Variants in XRCC4 observed in about 807,000 individuals in gnomAD.
XRCC4 encodes X-ray repair cross complementing 4.
XRCC4 carries 28 observed loss-of-function variants against 39.1 expected under a neutral mutation model. The ratio of observed to expected loss-of-function variants is 0.72; its 90% CI spans 0.53 to 0.98. The LOEUF is 0.98. Ranked by LOEUF, XRCC4 falls within the 50% of genes least tolerant of loss-of-function variation. The probability of loss-of-function intolerance (pLI) is 0.00; values close to 1 mark genes in which losing one functional copy is unlikely to be tolerated. For synonymous variants in XRCC4, 123 were observed against 126.4 expected (o/e 0.97, Z 0.18); for missense variants, 350 against 376.4 (o/e 0.93, Z 0.58).
At chr5:83,133,158 G>A (rs1232642199) in intron 3 of XRCC4, among the ~76,000 whole-genome samples, 4 of 151,736 alleles carry the variant, frequency 2.6e-5, no homozygotes, top group Non-Finnish European at 5.9e-5. Flanking sequence ...GGTCCACTCC[G>A]GACTCTGTTT....
chr5:83,334,228 G>C (rs911635276), intron 7 of XRCC4, among the ~76,000 whole-genome samples: 1 of 152,006 alleles, frequency 6.6e-6, no homozygotes. Flanking sequence ...TTAATTTCCA[G>C]GTAGTGAAAA....
intron 1 of XRCC4, among the ~76,000 whole-genome samples, chr5:83,078,668 T>C (rs1217835027): frequency 6.6e-6 from 1 of 152,242 alleles, no homozygotes; most frequent in Non-Finnish European, 1.5e-5. Context: ...GTCTGTTATA[T>C]TGAATTGTCA....
At chr5:83,113,884 C>A (rs138006852) in intron 3 of XRCC4, among the ~76,000 whole-genome samples, 8,245 of 152,274 alleles carry the variant, frequency 0.054, 282 homozygotes, top group South Asian at 0.15. Flanking sequence ...CCTCAGCCCC[C>A]CAAAGTGCTG....
At chr5:83,337,254 C>G (rs1255093682) in intron 7 of XRCC4, among the ~76,000 whole-genome samples, 1 of 152,102 alleles carries the variant, frequency 6.6e-6, no homozygotes, top group African/African-American at 2.4e-5. Flanking sequence ...AAATCATTGT[C>G]CCTGTTCTCA....
intron 7 of XRCC4, among the ~76,000 whole-genome samples, chr5:83,297,387 A>G (rs577716911): frequency 1.3e-5 from 2 of 152,120 alleles, no homozygotes; most frequent in South Asian, 2.1e-4. Flanking sequence ...TTTTATGTAT[A>G]TGAGGATTGT....
At chr5:83,086,963 C>A (rs1745210305) in intron 1 of XRCC4, among the ~76,000 whole-genome samples, 1 of 151,998 alleles carries the variant, frequency 6.6e-6, no homozygotes, top group Admixed American at 6.6e-5. Flanking sequence ...TTTTTTTGGC[C>A]ATCAGCTAAA....
At chr5:83,200,459 A>G (rs981331185) in intron 4 of XRCC4, among the ~76,000 whole-genome samples, 1 of 152,232 alleles carries the variant, frequency 6.6e-6, no homozygotes, top group Non-Finnish European at 1.5e-5. Flanking sequence ...TCCTTTGACA[A>G]CATAGATCTG....
intron 3 of XRCC4, among the ~76,000 whole-genome samples, chr5:83,124,075 TAACTA>T (rs941578924): frequency 1.3e-5 from 2 of 152,176 alleles, no homozygotes; most frequent in South Asian, 2.1e-4. Flanking sequence ...ACAATATTAT[TAACTA>T]AACTACAGAC....
chr5:83,322,812 C>T (rs562548258), intron 7 of XRCC4, among the ~76,000 whole-genome samples: 2 of 152,214 alleles, frequency 1.3e-5, no homozygotes, highest in African/African-American at 4.8e-5. Flanking sequence ...GCCTTGGAGG[C>T]AATGCAGCCC....
chr5:83,107,305 C>G (rs1746242760), intron 2 of XRCC4, among the ~76,000 whole-genome samples: 1 of 151,780 alleles, frequency 6.6e-6, no homozygotes, highest in Non-Finnish European at 1.5e-5. Context: ...TACATGTAGA[C>G]AATAACATCA....
intron 7 of XRCC4, among the ~76,000 whole-genome samples, chr5:83,312,394 G>A (rs1755738196): frequency 6.6e-6 from 1 of 152,072 alleles, no homozygotes; most frequent in African/African-American, 2.4e-5. Context: ...CATTCCCTAT[G>A]TTTTTATAGA....
chr5:83,222,383 A>G (rs770819435), intron 6 of XRCC4, among the ~76,000 whole-genome samples: 2 of 152,142 alleles, frequency 1.3e-5, no homozygotes, highest in Admixed American at 1.3e-4. Flanking sequence ...GCATTATTGC[A>G]TTGTTAGCTT....
chr5:83,168,880 T>G lies in XRCC4; in HGVS notation c.316-26890T>G, dbSNP rs771156170. Reference sequence around the variant, plus strand: ...GCATATTTTAGCAAAGATTGAAGATTGATGAACCAGGTTTTCAACTCATGA... The same window carrying G: ...GCATATTTTAGCAAAGATTGAAGATGGATGAACCAGGTTTTCAACTCATGA... On this transcript the variant is annotated intron_variant, in intron 3 of 7. Transcript: ENST00000396027. Among the ~76,000 whole-genome samples, 17 of 152,296 alleles carry G rather than the reference T, an allele frequency of 1.1e-4. 1 individual carries two copies. Among genetic ancestry groups the G allele is most frequent in the Admixed American group, 6.5e-5 (1 of 15,292 alleles).
At chr5:83,249,796 T>C (rs1168346840) in intron 6 of XRCC4, among the ~76,000 whole-genome samples, 1 of 152,172 alleles carries the variant, frequency 6.6e-6, no homozygotes, top group Admixed American at 6.5e-5. Context: ...AGTGATCTTG[T>C]CCTAGTTCTA....
intron 7 of XRCC4, among the ~76,000 whole-genome samples, chr5:83,349,490 G>T (rs537305557): frequency 1.3e-5 from 2 of 151,960 alleles, no homozygotes; most frequent in African/African-American, 4.8e-5. Context: ...ATCTCCATTC[G>T]GGACAACTTT....
intron 7 of XRCC4, chr5:83,310,922 G>A (rs1428822482): frequency 2.3e-6 from 1 of 442,954 alleles, no homozygotes; most frequent in South Asian, 1.6e-5. Flanking sequence ...GCTCTAGGCA[G>A]TGGAAAAGCC....
At chr5:83,366,347 C>T in the XRCC4 span, among the ~76,000 whole-genome samples, 2 of 152,108 alleles carry the variant, frequency 1.3e-5, no homozygotes, top group Non-Finnish European at 2.9e-5. Flanking sequence ...CAAGACGGAT[C>T]CTTGATTCAT....
intron 7 of XRCC4, among the ~76,000 whole-genome samples, chr5:83,348,876 C>T (rs1392186060): frequency 6.6e-6 from 1 of 152,154 alleles, no homozygotes; most frequent in Non-Finnish European, 1.5e-5. Flanking sequence ...AGCAGCAGGC[C>T]ACACCTTGAA....
chr5:83,185,254 G>A (rs1750384595), intron 3 of XRCC4, among the ~76,000 whole-genome samples: 1 of 151,382 alleles, frequency 6.6e-6, no homozygotes, highest in South Asian at 2.1e-4. Flanking sequence ...AAAACATGAT[G>A]GTCCTAAATG....
Sources: allele counts gnomAD v4.1 joint callset (sites outside exome capture counted in the v4.1 genomes callset), GRCh38; gene constraint gnomAD v4.1.1; transcripts MANE v1.5; gene names NCBI Gene and HGNC (gene_info 2026-07-23, HGNC 2026-07-21).